NKAIN3: variants seen among roughly 807,000 people sequenced by gnomAD.
NKAIN3 encodes the protein sodium/potassium-transporting ATPase subunit beta-1-interacting protein 3.
A neutral mutation model predicts 30.2 loss-of-function variants in NKAIN3; 25 were observed. The observed-to-expected ratio is 0.83, with a 90% CI of 0.60 to 1.16. The LOEUF (loss-of-function observed/expected upper bound fraction) is 1.16. NKAIN3 is among the 50% of genes most tolerant of loss of function. The pLI is 0.00. For missense variants in NKAIN3, 225 were observed against 254.1 expected, an observed-to-expected ratio of 0.89 and a Z score of 0.78; for synonymous variants, 91 against 89.6, an observed-to-expected ratio of 1.02 and a Z score of -0.09.
chr8:62,372,851 T>G (rs1229568935), intron 1 of NKAIN3, among the ~76,000 whole-genome samples: 2 of 152,092 alleles, frequency 1.3e-5, no homozygotes, highest in Non-Finnish European at 2.9e-5. Context: ...AAAATAAACC[T>G]TTTAACAGTC....
chr8:62,759,732 C>CA (rs35760276), intron 4 of NKAIN3, among the ~76,000 whole-genome samples: 151,964 of 152,268 alleles, frequency 1, 75,831 homozygotes, highest in East Asian at 1. Context: ...TCTAAAACAC[C>CA]AAAGCAATGG....
At chr8:62,775,976 A>G (rs775019062) in intron 4 of NKAIN3, among the ~76,000 whole-genome samples, 3 of 152,008 alleles carry the variant, frequency 2.0e-5, no homozygotes, top group Non-Finnish European at 4.4e-5. Context: ...TATATTTACA[A>G]CTTTTATATC....
intron 1 of NKAIN3, among the ~76,000 whole-genome samples, chr8:62,520,741 T>C (rs531248883): frequency 3.9e-5 from 6 of 152,128 alleles, no homozygotes; most frequent in Non-Finnish European, 8.8e-5. Flanking sequence ...TACAGGTGGC[T>C]AGTGGCTCCC....
chr8:62,379,936 G>A (rs1224163942), intron 1 of NKAIN3, among the ~76,000 whole-genome samples: 1 of 152,088 alleles, frequency 6.6e-6, no homozygotes, highest in East Asian at 1.9e-4. Context: ...GCTCAGGCAG[G>A]GCTCAGCAGG....
At chr8:62,965,331 G>C in intron 6 of NKAIN3, 23 bp from the exon 7 acceptor site, 1 of 985,798 alleles carries the variant, frequency 1.0e-6, no homozygotes, top group Non-Finnish European at 1.2e-6. Context: ...GTTCTTGAAA[G>C]CAATTCGTAT....
At chr8:62,960,940 G>A (rs1823554569) in intron 6 of NKAIN3, among the ~76,000 whole-genome samples, 2 of 152,074 alleles carry the variant, frequency 1.3e-5, no homozygotes, top group Admixed American at 1.3e-4. Flanking sequence ...CCCCAAAATC[G>A]AAGTATTCTA....
At chr8:62,330,398 T>A (rs1192139967) in intron 1 of NKAIN3, among the ~76,000 whole-genome samples, 1 of 151,670 alleles carries the variant, frequency 6.6e-6, no homozygotes, top group Non-Finnish European at 1.5e-5. Context: ...GTCCTGGGAG[T>A]CTAAGAGAGG....
chr8:62,567,408 T>C (rs1046663619), intron 1 of NKAIN3, among the ~76,000 whole-genome samples: 2 of 152,106 alleles, frequency 1.3e-5, no homozygotes, highest in Non-Finnish European at 2.9e-5. Flanking sequence ...AGAATATTGG[T>C]CCCAAAGATG....
intron 1 of NKAIN3, among the ~76,000 whole-genome samples, chr8:62,345,616 C>CACACATATATACACATATATGTATAT (rs1348728048): frequency 7.2e-6 from 1 of 139,784 alleles, no homozygotes; most frequent in Non-Finnish European, 1.5e-5. Flanking sequence ...TATGTATATA[C>CACACATATATACACATATATGTATAT]ACACATATAT....
chr8:62,995,389 G>A (rs1385685979), intron 5 of NKAIN3, among the ~76,000 whole-genome samples: 4 of 152,178 alleles, frequency 2.6e-5, no homozygotes, highest in Non-Finnish European at 4.4e-5. Context: ...AGAAGCAAGA[G>A]AGTAGATGAA....
At chr8:62,432,362 C>A (rs1304827106) in intron 1 of NKAIN3, among the ~76,000 whole-genome samples, 1 of 152,020 alleles carries the variant, frequency 6.6e-6, no homozygotes, top group Non-Finnish European at 1.5e-5. Flanking sequence ...GAGGATGCAT[C>A]TCTTTCAGCC....
chr8:62,661,139 C>T (rs977603012), intron 3 of NKAIN3, among the ~76,000 whole-genome samples: 6 of 152,178 alleles, frequency 3.9e-5, no homozygotes, highest in Non-Finnish European at 8.8e-5. Flanking sequence ...AGATTTGAAG[C>T]ACGTACGCCA....
chr8:62,422,974 G>T (rs1448892818), intron 1 of NKAIN3, among the ~76,000 whole-genome samples: 1 of 152,020 alleles, frequency 6.6e-6, no homozygotes, highest in Non-Finnish European at 1.5e-5. Flanking sequence ...GATATCACTG[G>T]TTGGGTGACT....
At chr8:62,785,435 GGA>G (rs1256725562) in intron 4 of NKAIN3, among the ~76,000 whole-genome samples, 2 of 152,130 alleles carry the variant, frequency 1.3e-5, no homozygotes, top group African/African-American at 4.8e-5. Flanking sequence ...GTGAGGAGGA[GGA>G]GAGATGGAGA....
intron 1 of NKAIN3, among the ~76,000 whole-genome samples, chr8:62,439,076 A>G (rs1805249976): frequency 6.6e-6 from 1 of 152,202 alleles, no homozygotes; most frequent in East Asian, 1.9e-4. Flanking sequence ...AGGCCAAGCT[A>G]AAGATGTTAG....
intron 3 of NKAIN3, among the ~76,000 whole-genome samples, chr8:62,700,385 T>C (rs1277219134): frequency 6.6e-6 from 1 of 152,222 alleles, no homozygotes; most frequent in Non-Finnish European, 1.5e-5. Context: ...GTCAGGTTGT[T>C]ACAACTCCCT....
At chr8:62,587,390 C>T (rs1810509599) in intron 2 of NKAIN3, among the ~76,000 whole-genome samples, 1 of 151,910 alleles carries the variant, frequency 6.6e-6, no homozygotes, top group African/African-American at 2.4e-5. Flanking sequence ...ATACATGTCA[C>T]ACTAATTGTA....
intron 1 of NKAIN3, among the ~76,000 whole-genome samples, chr8:62,509,113 C>T (rs927718156): frequency 5.9e-5 from 9 of 152,064 alleles, no homozygotes; most frequent in Admixed American, 5.2e-4. Context: ...GATTGAACTC[C>T]AATGTGTGCA....
intron 1 of NKAIN3, among the ~76,000 whole-genome samples, chr8:62,520,470 T>C (rs1013509896): frequency 2.6e-5 from 4 of 152,138 alleles, no homozygotes; most frequent in African/African-American, 9.7e-5. Flanking sequence ...TAACATAAAT[T>C]CTTCTTGTCA....
Sources: gnomAD v4.1 joint callset for allele counts (sites outside exome capture counted in the v4.1 genomes callset) on GRCh38, gnomAD v4.1.1 for gene constraint, MANE v1.5 for transcripts, NCBI Gene and HGNC (gene_info 2026-07-23, HGNC 2026-07-21) for gene names.